The following ETNK1 variants were observed in gnomAD, a reference collection of about 807,000 sequenced individuals.
ETNK1 encodes the protein ethanolamine kinase 1, also known as putative protein product of Nbla10396.
A neutral mutation model predicts 45.1 loss-of-function variants in ETNK1; 8 were observed. The ratio of observed to expected loss-of-function variants is 0.18; its 90% CI spans 0.10 to 0.32. The LOEUF is 0.32. Ranked by LOEUF, ETNK1 falls within the 10% of genes least tolerant of loss-of-function variation. The pLI is 1.00. For missense variants in ETNK1, 302 were observed against 430.6 expected, an observed-to-expected ratio of 0.70 and a Z score of 2.64; for synonymous variants, 152 against 151.9, an observed-to-expected ratio of 1.00 and a Z score of -0.01.
chr12:22,633,472 A>C (rs1269575511), intron 1 of ETNK1, among the ~76,000 whole-genome samples: 1 of 152,214 alleles, frequency 6.6e-6, no homozygotes, highest in Non-Finnish European at 1.5e-5. Context: ...TGTAGTTATT[A>C]TAGGCTTTGG....
In ETNK1 at chr12:22,638,255, G is replaced by GT. The variant is rs35937176; in HGVS notation, c.157-5494dup. On this transcript the variant is annotated intron_variant, in intron 1 of 7. Transcript: ENST00000266517. ...CTTTTTAACCTGTCTTTAAGGTGGG[G>GT]TTTTTTTTTTTTTTGAGACGGAGTC... Among the ~76,000 whole-genome samples, 1,217 of 142,860 alleles carry GT rather than the reference G, an allele frequency of 8.5e-3. 8 individuals carry two copies. The highest frequency in any genetic ancestry group is 0.022 in the African/African-American group (877 of 39,104). 93.7% of individuals were successfully genotyped at this position (142,860 alleles called of 152,430 possible).
intron 2 of ETNK1, among the ~76,000 whole-genome samples, chr12:22,646,284 G>T (rs763018830): frequency 6.6e-6 from 1 of 151,776 alleles, no homozygotes; most frequent in Non-Finnish European, 1.5e-5. Flanking sequence ...TTAACAAAAC[G>T]TCTGAGTTAC....
intron 5 of ETNK1, among the ~76,000 whole-genome samples, chr12:22,672,633 A>G (rs926176452): frequency 5.3e-5 from 8 of 152,234 alleles, no homozygotes; most frequent in Admixed American, 2.6e-4. Flanking sequence ...GATTTTGTGG[A>G]CAAAAAAAGT....
In ETNK1 at chr12:22,659,159, AATT is replaced by A. The variant is rs776844898; in HGVS notation, c.557+9_557+11del. Reference sequence around the variant, plus strand: ...AGATGAAGACATTAATAAAAGGTAAAATTATTTTTACATTTGAAATTATGTTTT... The same window carrying A: ...AGATGAAGACATTAATAAAAGGTAAAATTTTTACATTTGAAATTATGTTTT... On this transcript the variant is annotated splice_donor_region_variant and intron_variant, in intron 3 of 7. Transcript: ENST00000266517. 1.9e-6 allele frequency: 3 copies of A among 1,609,842 alleles called. No homozygotes were observed. Among genetic ancestry groups the A allele is most frequent in the Non-Finnish European group, 2.5e-6 (3 of 1,177,852 alleles).
chr12:22,650,753 A>G (rs1953864242), intron 2 of ETNK1, among the ~76,000 whole-genome samples: 1 of 152,076 alleles, frequency 6.6e-6, no homozygotes, highest in South Asian at 2.1e-4. Context: ...AATAGGAAAT[A>G]TAAAAATGTA....
At chr12:22,682,197 T>C (rs2137578641) in intron 6 of ETNK1, 2 of 303,524 alleles carry the variant, frequency 6.6e-6, no homozygotes, top group Admixed American at 8.7e-5. Context: ...ACCACCAGTG[T>C]CATCAGAAAA....
Position 22,643,717 on chromosome 12 carries a change from A to G in ETNK1, c.157-46A>G, listed in dbSNP as rs556452053. 3.3e-6 allele frequency: 5 copies of G among 1,515,386 alleles called. No individual in the cohort carries two copies. The South Asian group carries it at 6.3e-5, about 19-fold the overall frequency. The allele number at this position is 1,515,386 out of a possible 1,614,324, so 93.9% of individuals were successfully genotyped here. A position where few individuals can be genotyped will look rare whatever the true frequency, so the allele number is the denominator to read the frequency against. On this transcript the variant is annotated intron_variant, in intron 1 of 7. Transcript: ENST00000266517. Reference sequence around the variant, plus strand: ...TCAATTTATCTCCTGTTCTCTAAAGATAGATAATTGCTTTTTTTCCCATTT... The same window carrying G: ...TCAATTTATCTCCTGTTCTCTAAAGGTAGATAATTGCTTTTTTTCCCATTT...
At chr12:22,663,980 T>G (rs1219292171) in intron 4 of ETNK1, among the ~76,000 whole-genome samples, 4 of 151,958 alleles carry the variant, frequency 2.6e-5, no homozygotes, top group African/African-American at 9.7e-5. Flanking sequence ...GAAATATGGT[T>G]AGAATGTTCA....
At chr12:22,641,237 A>G (rs748714074) in intron 1 of ETNK1, among the ~76,000 whole-genome samples, 30 of 152,224 alleles carry the variant, frequency 2.0e-4, no homozygotes, top group Non-Finnish European at 3.4e-4. Flanking sequence ...AGGTAACGGT[A>G]TTCTCTGGAT....
At chr12:22,682,480 C>T (rs1592138779) in intron 6 of ETNK1, 1 of 278,054 alleles carries the variant, frequency 3.6e-6, no homozygotes, top group Admixed American at 5.0e-5. Flanking sequence ...AAATTCAACT[C>T]AAAAGTCAGT....
At chr12:22,674,560 C>T (rs983813617) in intron 6 of ETNK1, among the ~76,000 whole-genome samples, 4 of 152,208 alleles carry the variant, frequency 2.6e-5, no homozygotes, top group African/African-American at 7.2e-5. Flanking sequence ...ACATGCTCTA[C>T]AGCTGGTCCT....
rs138049062 is a variant in ETNK1, at chr12:22,650,353, T to A, written c.416+6331T>A. Among the ~76,000 whole-genome samples, 828 of 152,120 alleles carry A rather than the reference T, an allele frequency of 5.4e-3. 5 individuals carry two copies. Among genetic ancestry groups the A allele is most frequent in the African/African-American group, 0.019 (786 of 41,540 alleles). On this transcript the variant is annotated intron_variant, in intron 2 of 7. Coordinates refer to ENST00000266517, the MANE Select transcript of ETNK1 (RefSeq NM_018638.5). ...GTGAAAAGTGATGTTCTTTCTTTAT[T>A]CCTGATCTTAGTGGGAAATCTTCAA...
intron 1 of ETNK1, among the ~76,000 whole-genome samples, chr12:22,639,667 A>T (rs1953709763): frequency 6.7e-6 from 1 of 148,850 alleles, no homozygotes; most frequent in Admixed American, 6.6e-5. Context: ...AAAGACTGAG[A>T]CTCTCAAAAA....
chr12:22,650,231 T>G (rs1953857669), intron 2 of ETNK1, among the ~76,000 whole-genome samples: 1 of 151,988 alleles, frequency 6.6e-6, no homozygotes, highest in Non-Finnish European at 1.5e-5. Flanking sequence ...TCATGTTATC[T>G]ATGAACAAAG....
Position 22,625,211 on chromosome 12 carries a change from C to T in ETNK1, c.-220C>T, listed in dbSNP as rs200778161. 6.2e-6 allele frequency: 10 copies of T among 1,610,126 alleles called. No homozygotes were observed. The East Asian group carries it at 2.2e-4, about 36-fold the overall frequency. On this transcript the variant is annotated 5_prime_UTR_variant, in exon 1 of 8. Transcript: ENST00000266517. Reference sequence around the variant, plus strand: ...CCAGCTCCGACAACAGGAATTTTCTCCGAGAGCGGGCCGGGCTCAGTTCAG... The same window carrying T: ...CCAGCTCCGACAACAGGAATTTTCTTCGAGAGCGGGCCGGGCTCAGTTCAG...
chr12:22,653,767 A>G (rs1953907516), intron 2 of ETNK1, among the ~76,000 whole-genome samples: 1 of 152,118 alleles, frequency 6.6e-6, no homozygotes, highest in Non-Finnish European at 1.5e-5. Flanking sequence ...ATTCTTTACA[A>G]ATTTCATGCT....
chr12:22,669,110 TA>T (rs1278042571), intron 4 of ETNK1, among the ~76,000 whole-genome samples: 1 of 152,146 alleles, frequency 6.6e-6, no homozygotes, highest in Non-Finnish European at 1.5e-5. Context: ...GCTGCAGATT[TA>T]AAAAATTATA....
intron 4 of ETNK1, among the ~76,000 whole-genome samples, chr12:22,665,730 C>T (rs966052821): frequency 3.3e-5 from 5 of 151,796 alleles, no homozygotes; most frequent in Non-Finnish European, 5.9e-5. Flanking sequence ...GTTTGCCAAC[C>T]CTGTATTATG....
chr12:22,656,671 C>A (rs754165560), intron 2 of ETNK1: 14 of 985,168 alleles, frequency 1.4e-5, no homozygotes, highest in East Asian at 1.1e-4. Context: ...AGTTCCAGCA[C>A]GTGTGTCCCC....
Sources: allele counts gnomAD v4.1 joint callset (sites outside exome capture counted in the v4.1 genomes callset), GRCh38; gene constraint gnomAD v4.1.1; transcripts MANE v1.5; gene names NCBI Gene and HGNC (gene_info 2026-07-23, HGNC 2026-07-21).